The following CLDN16 variants were observed in gnomAD, a reference collection of about 807,000 sequenced individuals.
The protein encoded by CLDN16 is claudin-16.
A neutral mutation model predicts 24.6 loss-of-function variants in CLDN16; 13 were observed. The observed-to-expected ratio is 0.53, with a 90% CI of 0.34 to 0.84. The LOEUF (loss-of-function observed/expected upper bound fraction) is 0.84. Among genes scored for constraint, CLDN16 ranks in the 40% least tolerant of loss-of-function variants. The pLI is 0.01. For missense variants in CLDN16, 298 were observed against 292.7 expected (o/e 1.02, Z -0.13); for synonymous variants, 116 against 106.7 (o/e 1.09, Z -0.54).
intron 1 of CLDN16, among the ~76,000 whole-genome samples, chr3:190,363,541 C>CGTGTGTGTGTGTGT (rs202074908): frequency 4.7e-4 from 8 of 16,968 alleles, no homozygotes; most frequent in African/African-American, 1.4e-3. Flanking sequence ...AGTTGCTGTG[C>CGTGTGTGTGTGTGT]GTGTGTGTGT....
intron 2 of CLDN16, among the ~76,000 whole-genome samples, chr3:190,372,477 C>CG (rs900041114): frequency 3.0e-4 from 46 of 151,712 alleles, no homozygotes; most frequent in African/African-American, 1.1e-3. Flanking sequence ...ACCCCCTTCC[C>CG]CCCCAAAATA....
rs1210040068 is a variant in CLDN16, at chr3:190,408,503, A to G, written c.572A>G (p.Lys191Arg). The G allele has an allele frequency of 6.2e-7, 1 of 1,613,572 alleles. No individual in the cohort carries two copies. The highest frequency in any genetic ancestry group is 1.3e-5 in the African/African-American group (1 of 74,860). The change falls in exon 4 of 5, where the codon AAA becomes AGA. Residue 191 changes from lysine to arginine, a missense_variant and splice_region_variant. Coordinates refer to ENST00000264734, the MANE Select transcript of CLDN16 (RefSeq NM_006580.4). Reference sequence around the variant, plus strand: ...CTCACCTGCTGCTTATATCTTTTTAAAGGTAAGAATAAAATAAAATAGCAA... The same window carrying G: ...CTCACCTGCTGCTTATATCTTTTTAGAGGTAAGAATAAAATAAAATAGCAA... ...AVLTCCLYLF[K>R]DVGPERNYPY...
chr3:190,333,152 G>A (rs573138383), intron 1 of CLDN16, among the ~76,000 whole-genome samples: 3 of 152,238 alleles, frequency 2.0e-5, no homozygotes, highest in East Asian at 3.9e-4. Context: ...GTAGACATTA[G>A]CATGTGCGTT....
chr3:190,398,131 A>G (rs1171343248), intron 1 of CLDN16, among the ~76,000 whole-genome samples: 1 of 152,236 alleles, frequency 6.6e-6, no homozygotes, highest in Non-Finnish European at 1.5e-5. Context: ...TTAAGACACT[A>G]CAGGGCAGTC....
Position 190,343,673 on chromosome 3 carries a change from G to A in CLDN16, n.121+21012G>A, listed in dbSNP as rs1024163543. On this transcript the variant is annotated intron_variant and non_coding_transcript_variant, in intron 1 of 4. Transcript: ENST00000468220. ...GCCACGACATATATGAATCTGAAGG[G>A]CATTATGCTACGTGAAGTAAGTCAG... is the stretch of plus-strand genomic sequence containing the variant. Among the ~76,000 whole-genome samples the A allele has an allele frequency of 1.3e-5, 2 of 152,052 alleles. 1 individual carries two copies. Among genetic ancestry groups the A allele is most frequent in the Non-Finnish European group, 2.9e-5 (2 of 67,962 alleles).
intron 1 of CLDN16, among the ~76,000 whole-genome samples, chr3:190,354,094 T>C (rs116080796): frequency 1.1e-3 from 165 of 152,160 alleles, no homozygotes; most frequent in African/African-American, 3.8e-3. Context: ...GTTATAGTTA[T>C]GTTGCCTTCT....
chr3:190,330,042 C>A (rs1560079702), intron 1 of CLDN16, among the ~76,000 whole-genome samples: 2 of 142,420 alleles, frequency 1.4e-5, no homozygotes, highest in African/African-American at 2.5e-5. Context: ...AACCGTCCCC[C>A]CTCCACCAGC....
intron 2 of CLDN16, among the ~76,000 whole-genome samples, chr3:190,372,758 C>T (rs1032535293): frequency 6.6e-6 from 1 of 151,956 alleles, no homozygotes; most frequent in Admixed American, 6.6e-5. Context: ...TCCTTCAATC[C>T]TCTCCTTAAA....
the CLDN16 span, among the ~76,000 whole-genome samples, chr3:190,290,622 G>T: frequency 1.1e-3 from 161 of 152,152 alleles, 2 homozygotes; most frequent in African/African-American, 3.8e-3. Flanking sequence ...ATCTTCTTTT[G>T]CCAACTATCT....
At chr3:190,377,619 A>T (rs1475556739) in intron 3 of CLDN16, among the ~76,000 whole-genome samples, 2 of 152,078 alleles carry the variant, frequency 1.3e-5, no homozygotes. Flanking sequence ...ATTAATCACT[A>T]TGAAAAGCTC....
At chr3:190,371,081 A>G (rs1039492331) in intron 2 of CLDN16, 3 of 15,906 alleles carry the variant, frequency 1.9e-4, no homozygotes, top group Non-Finnish European at 3.4e-4. Flanking sequence ...ACAAATATAA[A>G]TGTATAAATA....
At chr3:190,399,130 G>A (rs764991998) in intron 1 of CLDN16, among the ~76,000 whole-genome samples, 7 of 152,106 alleles carry the variant, frequency 4.6e-5, no homozygotes, top group Non-Finnish European at 1.0e-4. Flanking sequence ...CCAAGTTAGG[G>A]CTTACTTCAC....
the CLDN16 span, among the ~76,000 whole-genome samples, chr3:190,296,552 T>A: frequency 6.7e-6 from 1 of 149,772 alleles, no homozygotes; most frequent in Admixed American, 6.6e-5. Flanking sequence ...GATTTAATTT[T>A]TTTTTTTTTT....
the CLDN16 span, among the ~76,000 whole-genome samples, chr3:190,313,478 AC>A: frequency 6.6e-6 from 1 of 152,198 alleles, no homozygotes; most frequent in Non-Finnish European, 1.5e-5. Flanking sequence ...GATATTAGTC[AC>A]CAGCTTTACA....
upstream of CLDN16, chr3:190,387,816 T>G (rs1577420906): frequency 2.5e-6 from 1 of 398,278 alleles, no homozygotes; most frequent in East Asian, 5.4e-5. Context: ...TCTAAAGTAG[T>G]CGGCGAATAT....
At chr3:190,387,566 A>G (rs1718536745), upstream of CLDN16, among the ~76,000 whole-genome samples, 1 of 152,206 alleles carries the variant, frequency 6.6e-6, no homozygotes, top group South Asian at 2.1e-4. Flanking sequence ...ATGCATTTTC[A>G]GAAACTACAG....
At chr3:190,324,954 G>A (rs1471211195) in intron 1 of CLDN16, among the ~76,000 whole-genome samples, 3 of 152,228 alleles carry the variant, frequency 2.0e-5, no homozygotes, top group Non-Finnish European at 2.9e-5. Context: ...GGTATGGTAA[G>A]TGTCCTAGCC....
chr3:190,387,383 G>A (rs17504341), upstream of CLDN16, among the ~76,000 whole-genome samples: 28,368 of 151,302 alleles, frequency 0.19, 3,097 homozygotes, highest in Middle Eastern at 0.29. Context: ...TTCATTAGAC[G>A]CGTTTTCAAA....
chr3:190,382,850 C>T (rs1408603138), intron 3 of CLDN16, among the ~76,000 whole-genome samples: 3 of 152,018 alleles, frequency 2.0e-5, no homozygotes, highest in East Asian at 1.9e-4. Flanking sequence ...AGATAGTTGC[C>T]GATCTCCTCA....
Sources: allele counts gnomAD v4.1 joint callset (sites outside exome capture counted in the v4.1 genomes callset), GRCh38; gene constraint gnomAD v4.1.1; transcripts MANE v1.5; gene names NCBI Gene and HGNC (gene_info 2026-07-23, HGNC 2026-07-21).